Variants in CTDSPL observed in about 807,000 individuals in gnomAD.
The protein encoded by CTDSPL is CTD small phosphatase like.
A neutral mutation model predicts 30.5 loss-of-function variants in CTDSPL; 8 were observed. The ratio of observed to expected loss-of-function variants is 0.26; its 90% CI spans 0.15 to 0.47. The LOEUF is 0.47. Among genes scored for constraint, CTDSPL ranks in the 20% least tolerant of loss-of-function variants. The pLI, the probability that CTDSPL is intolerant of heterozygous loss-of-function variation, is 0.99. For missense variants in CTDSPL, 248 were observed against 366.1 expected (o/e 0.68, Z 2.63); for synonymous variants, 110 against 137.9 (o/e 0.80, Z 1.42).
chr3:37,971,043 G>T (rs1011893771), intron 5 of CTDSPL, among the ~76,000 whole-genome samples: 2 of 152,214 alleles, frequency 1.3e-5, no homozygotes, highest in Non-Finnish European at 2.9e-5. Flanking sequence ...TGCCCACACA[G>T]GTCCTGACCC....
chr3:37,919,520 A>G, intron 1 of CTDSPL, among the ~76,000 whole-genome samples: 1 of 152,210 alleles, frequency 6.6e-6, no homozygotes, highest in Non-Finnish European at 1.5e-5. Context: ...AGAATAGGAA[A>G]TAGGTGAGGC....
intron 4 of CTDSPL, among the ~76,000 whole-genome samples, chr3:37,966,987 T>A (rs570308437): frequency 2.0e-5 from 3 of 152,218 alleles, no homozygotes; most frequent in African/African-American, 7.2e-5. Flanking sequence ...AAGTTCATCA[T>A]TGAGAACGTA....
At chr3:37,871,539 G>A (rs951304311) in intron 1 of CTDSPL, among the ~76,000 whole-genome samples, 5 of 152,194 alleles carry the variant, frequency 3.3e-5, no homozygotes, top group Non-Finnish European at 7.3e-5. Context: ...GCCAAACTGT[G>A]TTCCAAAGTG....
chr3:37,975,700 C>G lies in CTDSPL; in HGVS notation c.520-9C>G. 6.3e-7 allele frequency: 1 copy of G among 1,597,732 alleles called. No homozygotes were observed. Among genetic ancestry groups the G allele is most frequent in the Non-Finnish European group, 8.6e-7 (1 of 1,168,434 alleles). ...ACACCCAGCCTTCATTGTGACACGT[C>G]TTTTCCAGTATGCAGACCCTGTGGC... On this transcript the variant is annotated splice_polypyrimidine_tract_variant and intron_variant, in intron 6 of 7. Coordinates refer to ENST00000273179, the MANE Select transcript of CTDSPL (RefSeq NM_001008392.2). The surrounding 1 kb of genome is among the most constrained non-coding windows in gnomAD (Gnocchi z 4.9).
intron 7 of CTDSPL, among the ~76,000 whole-genome samples, chr3:37,978,253 T>C (rs112116960): frequency 0.019 from 2,834 of 152,348 alleles, 31 homozygotes; most frequent in Middle Eastern, 0.024. Context: ...TCAGTCCATT[T>C]ATTATTCTTT....
chr3:37,927,705 T>A (rs543277015), intron 1 of CTDSPL, among the ~76,000 whole-genome samples: 47 of 146,914 alleles, frequency 3.2e-4, no homozygotes, highest in East Asian at 9.8e-4. Context: ...TATATATATA[T>A]AAAAAATGAA....
chr3:37,907,342 A>T (rs1698530294), intron 1 of CTDSPL, among the ~76,000 whole-genome samples: 1 of 152,238 alleles, frequency 6.6e-6, no homozygotes, highest in Non-Finnish European at 1.5e-5. Context: ...AAACCTATAC[A>T]TTCTTAATTA....
Position 37,983,834 on chromosome 3 carries a change from C to T in CTDSPL, c.*2967C>T. The stretch of plus-strand genomic sequence containing the variant: ...CATTTGCATACTGAAAAAGGAATGC[C>T]ACCTGCCACAGTTGATGGTGAGGAA... On this transcript the variant is annotated 3_prime_UTR_variant, in exon 8 of 8. Coordinates refer to ENST00000273179, the MANE Select transcript of CTDSPL (RefSeq NM_001008392.2). 1 of 168,794 alleles carries T rather than the reference C, an allele frequency of 5.9e-6. No homozygotes were observed. Among genetic ancestry groups the T allele is most frequent in the Non-Finnish European group, 1.3e-5 (1 of 76,520 alleles). The allele number at this position is 168,794 out of a possible 1,614,324, so 10.5% of individuals were successfully genotyped here. A position where few individuals can be genotyped will look rare whatever the true frequency, so the allele number is the denominator to read the frequency against.
intron 1 of CTDSPL, among the ~76,000 whole-genome samples, chr3:37,945,632 G>A (rs1699026741): frequency 6.6e-6 from 1 of 152,246 alleles, no homozygotes; most frequent in Non-Finnish European, 1.5e-5. Context: ...CCTGAAATGA[G>A]ATGGCTGGTA....
intron 7 of CTDSPL, among the ~76,000 whole-genome samples, chr3:37,977,746 CGG>C (rs1304980164): frequency 6.6e-6 from 1 of 151,382 alleles, no homozygotes; most frequent in African/African-American, 2.4e-5. Flanking sequence ...ATTAGCCAGA[CGG>C]GGTGGCAGAC....
Position 37,983,944 on chromosome 3 carries a change from C to A in CTDSPL, c.*3077C>A. 4.4e-6 allele frequency: 1 copy of A among 225,018 alleles called. No homozygotes were observed. Among genetic ancestry groups the A allele is most frequent in the East Asian group, 9.0e-5 (1 of 11,058 alleles). 13.9% of individuals were successfully genotyped at this position (225,018 alleles called of 1,614,324 possible). On this transcript the variant is annotated 3_prime_UTR_variant, in exon 8 of 8. Transcript: ENST00000273179. ...TGATGCTGACTTGTCATGGTTGCAG[C>A]ATTTGAACTTTTGGTGTTAAAAAAA...
At chr3:37,909,466 C>G (rs1287907176) in intron 1 of CTDSPL, among the ~76,000 whole-genome samples, 2 of 152,262 alleles carry the variant, frequency 1.3e-5, no homozygotes, top group Non-Finnish European at 2.9e-5. Context: ...TGCCTGTGGC[C>G]TGCCCCGCAC....
intron 1 of CTDSPL, among the ~76,000 whole-genome samples, chr3:37,941,419 C>CTTT (rs770518070): frequency 7.2e-6 from 1 of 139,444 alleles, no homozygotes; most frequent in African/African-American, 2.6e-5. Context: ...ATCTTTTTTT[C>CTTT]TTTTTTTTTT....
At chr3:37,894,092 T>C (rs1698363524) in intron 1 of CTDSPL, among the ~76,000 whole-genome samples, 1 of 152,060 alleles carries the variant, frequency 6.6e-6, no homozygotes, top group African/African-American at 2.4e-5. Flanking sequence ...TTCTGTTTTG[T>C]TTTAAGAGAA....
chr3:37,864,045 C>G (rs1008263599), intron 1 of CTDSPL, among the ~76,000 whole-genome samples: 2 of 152,052 alleles, frequency 1.3e-5, no homozygotes, highest in Non-Finnish European at 2.9e-5. Flanking sequence ...TTCTTGGAGC[C>G]CTGGCTGGGT....
At position 37,982,891 on chromosome 3, in the gene CTDSPL, C is replaced by T; in HGVS notation, c.*2024C>T. On this transcript the variant is annotated 3_prime_UTR_variant, in exon 8 of 8. Coordinates refer to ENST00000273179, the MANE Select transcript of CTDSPL (RefSeq NM_001008392.2). Reference sequence around the variant, plus strand: ...GTGTTGATATCCACACAGAATTAGGCCCTAATGAGAGCCTTAGACCCTCAA... The same window carrying T: ...GTGTTGATATCCACACAGAATTAGGTCCTAATGAGAGCCTTAGACCCTCAA... 3 of 320,970 alleles carry T rather than the reference C, an allele frequency of 9.3e-6. No homozygotes were observed. Among genetic ancestry groups the T allele is most frequent in the South Asian group, 7.5e-5 (3 of 39,842 alleles). 19.9% of individuals were successfully genotyped at this position (320,970 alleles called of 1,614,324 possible). A position where few individuals can be genotyped will look rare whatever the true frequency, so the allele number is the denominator to read the frequency against.
At chr3:37,904,561 C>T (rs144802388) in intron 1 of CTDSPL, among the ~76,000 whole-genome samples, 60 of 152,278 alleles carry the variant, frequency 3.9e-4, no homozygotes, top group African/African-American at 1.4e-3. Context: ...AACTAGCCCA[C>T]CCCGGGCTCC....
intron 1 of CTDSPL, among the ~76,000 whole-genome samples, chr3:37,878,242 G>A (rs552881520): frequency 6.6e-6 from 1 of 152,134 alleles, no homozygotes; most frequent in South Asian, 2.1e-4. Flanking sequence ...CATACTTATG[G>A]TGTCATACCT....
chr3:37,911,751 A>T (rs1466531916), intron 1 of CTDSPL: 1 of 456,208 alleles, frequency 2.2e-6, no homozygotes, highest in Non-Finnish European at 4.4e-6. Flanking sequence ...GGCAGGTGTA[A>T]CCCTCGCTAA....
Sources: gnomAD v4.1 joint callset for allele counts (sites outside exome capture counted in the v4.1 genomes callset) on GRCh38, gnomAD v4.1.1 for gene constraint, Gnocchi (gnomAD v3.1) non-coding constraint, MANE v1.5 for transcripts, NCBI Gene and HGNC (gene_info 2026-07-23, HGNC 2026-07-21) for gene names.